Variants in MTMR2 observed in about 807,000 individuals in gnomAD.
MTMR2 encodes the protein phosphatidylinositol-3,5-bisphosphate 3-phosphatase MTMR2.
A neutral mutation model predicts 86.9 loss-of-function variants in MTMR2; 55 were observed. The observed-to-expected ratio is 0.63, with a 90% CI of 0.51 to 0.79. MTMR2 has a LOEUF of 0.79. MTMR2 is among the 30% of genes least tolerant of loss of function. The pLI, the probability that MTMR2 is intolerant of heterozygous loss-of-function variation, is 0.00. For synonymous variants in MTMR2, 241 were observed against 266.8 expected (o/e 0.90, Z 0.94); for missense variants, 659 against 772.3 (o/e 0.85, Z 1.74).
In MTMR2 at chr11:95,924,016, A is replaced by AGCGGAGG; in HGVS notation, c.-69_-63dup. 1 of 1,544,286 alleles carries AGCGGAGG rather than the reference A, an allele frequency of 6.5e-7. No homozygotes were observed. The highest frequency in any genetic ancestry group is 8.8e-7 in the Non-Finnish European group (1 of 1,142,048). ...GTCTTCGCGGCTACAGGGCGGGAGAAGCGGAGGGCGGAGTGCTACGGACCG... is the reference window on the plus strand; with the variant it reads ...GTCTTCGCGGCTACAGGGCGGGAGAAGCGGAGGGCGGAGGGCGGAGTGCTACGGACCG... On this transcript the variant is annotated 5_prime_UTR_variant, in exon 1 of 15. Transcript: ENST00000346299.
In MTMR2 at chr11:95,850,717, C is replaced by A; in HGVS notation, c.687G>T (p.Lys229Asn). 1.2e-6 allele frequency: 2 copies of A among 1,613,844 alleles called. No homozygotes were observed. Among genetic ancestry groups the A allele is most frequent in the East Asian group, 2.2e-5 (1 of 44,852 alleles). Residue 229 changes from lysine to asparagine, a missense_variant, in exon 8 of 15, where the codon AAG (lysine) becomes AAT (asparagine). Transcript: ENST00000346299. ...GIPNESWRITKINERYELCDT... is the reference protein window; with the variant it reads ...GIPNESWRITNINERYELCDT... ...CACAAAGTTCATATCGTTCATTTATCTTTGTTATTCTCCAGCTTTCATTTG... is the reference window on the plus strand; with the variant it reads ...CACAAAGTTCATATCGTTCATTTATATTTGTTATTCTCCAGCTTTCATTTG...
chr11:95,849,881 GT>G lies in MTMR2; in HGVS notation c.805-20del. On this transcript the variant is annotated intron_variant, in intron 8 of 14. Coordinates refer to ENST00000346299, the MANE Select transcript of MTMR2 (RefSeq NM_016156.6). ...ATAAAACCTTAATGAGGAAAAAATG[GT>G]AACACACCTTTTACATACTTCTCTG... 2 of 1,580,684 alleles carry G rather than the reference GT, an allele frequency of 1.3e-6. No homozygotes were observed. The highest frequency in any genetic ancestry group is 8.7e-7 in the Non-Finnish European group (1 of 1,152,436).
At chr11:95,910,672 G>T (rs1299482207) in intron 1 of MTMR2, among the ~76,000 whole-genome samples, 1 of 152,002 alleles carries the variant, frequency 6.6e-6, no homozygotes. Flanking sequence ...AAAAGAAAAG[G>T]TTCTTTTTAA....
At chr11:95,835,563 C>A in intron 14 of MTMR2, 112 bp from the exon 15 acceptor site, 3 of 1,017,768 alleles carry the variant, frequency 2.9e-6, no homozygotes, top group Non-Finnish European at 3.0e-6. Flanking sequence ...ACCAATGGCA[C>A]CTTTCCAACC....
chr11:95,856,359 G>A (rs1864214376), intron 7 of MTMR2, among the ~76,000 whole-genome samples: 2 of 151,102 alleles, frequency 1.3e-5, no homozygotes, highest in African/African-American at 2.4e-5. Flanking sequence ...TAAAGGGGGG[G>A]AAGTGAATAA....
intron 2 of MTMR2, among the ~76,000 whole-genome samples, chr11:95,870,404 A>T (rs1864810032): frequency 6.6e-6 from 1 of 152,180 alleles, no homozygotes; most frequent in South Asian, 2.1e-4. Context: ...CAAGGAGGGC[A>T]AAGAAATGAA....
At chr11:95,923,652 GA>G (rs1322298313) in intron 1 of MTMR2, 1 of 1,409,920 alleles carries the variant, frequency 7.1e-7, no homozygotes, top group African/African-American at 1.4e-5. Flanking sequence ...ATCGGAATAT[GA>G]AAGGTAGAGG....
In MTMR2 at chr11:95,888,188, T is replaced by C. The variant is rs149422901; in HGVS notation, c.154A>G (p.Thr52Ala). The change falls in exon 2 of 15, where the codon ACT (threonine) becomes GCT (alanine). Residue 52 changes from threonine (T) to alanine (A), a missense_variant. Physicochemically the swap from Thr to Ala is moderately conservative, Grantham distance 58. This residue lies in a region of MTMR2 where 387 missense variants were observed against 526.3 expected (regional missense o/e 0.74). Coordinates refer to ENST00000346299, the MANE Select transcript of MTMR2 (RefSeq NM_016156.6). ...TCAGGAGAAAAGTTGTCGGCAGAAGTTGAAATGGAATCTGATGATACAACA... is the reference window on the plus strand; with the variant it reads ...TCAGGAGAAAAGTTGTCGGCAGAAGCTGAAATGGAATCTGATGATACAACA... Reference protein sequence around the residue: ...ASVVSSDSISTSADNFSPDLR... With the variant: ...ASVVSSDSISASADNFSPDLR... 3 of 1,613,340 alleles carry C rather than the reference T, an allele frequency of 1.9e-6. No homozygotes were observed. The African/African-American group carries it at 4.0e-5, about 22-fold the overall frequency.
chr11:95,863,266 C>T (rs529200283), intron 3 of MTMR2, among the ~76,000 whole-genome samples: 80 of 152,210 alleles, frequency 5.3e-4, no homozygotes, highest in Non-Finnish European at 8.7e-4. Flanking sequence ...ACCCTTTCAA[C>T]GGGCTTCTGG....
chr11:95,835,233 A>C lies in MTMR2; in HGVS notation c.*57T>G. On this transcript the variant is annotated 3_prime_UTR_variant, in exon 15 of 15. Coordinates refer to ENST00000346299, the MANE Select transcript of MTMR2 (RefSeq NM_016156.6). ...TAAATTCCGAAGACTTTCTACTCAT[A>C]GAGCTGCCAGTGTAATCAAGAGTGT... The C allele has an allele frequency of 7.7e-6, 12 of 1,564,268 alleles. No individual in the cohort carries two copies. The highest frequency in any genetic ancestry group is 1.4e-5 in the African/African-American group (1 of 73,902).
At chr11:95,907,503 T>C (rs1866326664) in intron 1 of MTMR2, among the ~76,000 whole-genome samples, 2 of 152,000 alleles carry the variant, frequency 1.3e-5, no homozygotes, top group African/African-American at 4.8e-5. Flanking sequence ...AAGGACTCCC[T>C]AACTCATTCT....
intron 2 of MTMR2, among the ~76,000 whole-genome samples, chr11:95,883,833 ATCCTT>A (rs958795238): frequency 2.0e-5 from 3 of 152,228 alleles, no homozygotes; most frequent in African/African-American, 7.2e-5. Context: ...CTAAGGCACT[ATCCTT>A]TCAGGAAAGT....
intron 7 of MTMR2, among the ~76,000 whole-genome samples, chr11:95,856,090 C>G (rs1864200682): frequency 1.3e-5 from 2 of 151,900 alleles, no homozygotes; most frequent in South Asian, 2.1e-4. Context: ...AAGAAAAGCA[C>G]AGAAGAGTGT....
At position 95,835,195 on chromosome 11, in the gene MTMR2, C is replaced by T. The variant is rs886147288; in HGVS notation, c.*95G>A. 4 of 1,283,090 alleles carry T rather than the reference C, an allele frequency of 3.1e-6. No individual in the cohort carries two copies. The highest frequency in any genetic ancestry group is 4.5e-6 in the Non-Finnish European group (4 of 894,024). 79.5% of individuals were successfully genotyped at this position (1,283,090 alleles called of 1,614,324 possible). On this transcript the variant is annotated 3_prime_UTR_variant, in exon 15 of 15. Transcript: ENST00000346299. ...TAAATAAAGTGACTGAACTTTCTCT[C>T]ATAGATGGGTTCTAAATTCCGAAGA...
chr11:95,864,164 TACA>T (rs1419681137), intron 3 of MTMR2, among the ~76,000 whole-genome samples: 1 of 152,150 alleles, frequency 6.6e-6, no homozygotes, highest in East Asian at 1.9e-4. Context: ...TTTGTTTACT[TACA>T]TTAGGACAGG....
intron 7 of MTMR2, among the ~76,000 whole-genome samples, chr11:95,853,883 T>TA (rs1426381139): frequency 2.0e-5 from 3 of 152,146 alleles, no homozygotes; most frequent in Non-Finnish European, 4.4e-5. Flanking sequence ...GAGTCAGAGC[T>TA]AAAGGTCAGA....
chr11:95,861,895 C>G, intron 5 of MTMR2, 97 bp downstream of exon 5: 1 of 918,108 alleles, frequency 1.1e-6, no homozygotes, highest in South Asian at 1.5e-5. Context: ...AATTGGAAAT[C>G]CATTTTATAT....
chr11:95,891,523 A>C (rs977345004), intron 1 of MTMR2, among the ~76,000 whole-genome samples: 14 of 152,284 alleles, frequency 9.2e-5, no homozygotes, highest in Admixed American at 6.5e-4. Context: ...TAAATCTAAG[A>C]GAGAGAAAAT....
chr11:95,879,765 T>TA (rs1323057802), intron 2 of MTMR2, among the ~76,000 whole-genome samples: 2 of 152,148 alleles, frequency 1.3e-5, no homozygotes, highest in African/African-American at 2.4e-5. Flanking sequence ...TAAATAAACT[T>TA]AAAATCATCC....
Sources: gnomAD v4.1 joint callset for allele counts (sites outside exome capture counted in the v4.1 genomes callset) on GRCh38, gnomAD v4.1.1 for gene constraint, gnomAD v4.1.1 regional missense constraint, MANE v1.5 for transcripts, NCBI Gene and HGNC (gene_info 2026-07-23, HGNC 2026-07-21) for gene names.